DOCK2: variants seen among roughly 807,000 people sequenced by gnomAD.
DOCK2 encodes the protein dedicator of cytokinesis protein 2.
In DOCK2, 87 loss-of-function variants were observed where a neutral mutation model predicts 248.9. That is an observed-to-expected ratio of 0.35 (90% CI 0.29 to 0.42). DOCK2 has a LOEUF of 0.42. Among genes scored for constraint, DOCK2 ranks in the 10% least tolerant of loss-of-function variants. The pLI is 1.00. For synonymous variants in DOCK2, 805 were observed against 821.6 expected, an observed-to-expected ratio of 0.98 and a Z score of 0.35; for missense variants, 1,747 against 2,300.2, an observed-to-expected ratio of 0.76 and a Z score of 4.92.
chr5:169,667,559 G>A (rs1212049244), intron 2 of DOCK2, among the ~76,000 whole-genome samples: 3 of 152,348 alleles, frequency 2.0e-5, no homozygotes, highest in Middle Eastern at 6.8e-3. Flanking sequence ...GTGAAAAGGG[G>A]CAACTAAAGG....
At chr5:170,020,632 C>T (rs1010368049) in intron 33 of DOCK2, among the ~76,000 whole-genome samples, 8 of 152,234 alleles carry the variant, frequency 5.3e-5, no homozygotes, top group Admixed American at 3.3e-4. Context: ...AGAAAGCTGA[C>T]GTCATCTGCT....
At chr5:169,719,599 C>A (rs100214) in intron 22 of DOCK2, among the ~76,000 whole-genome samples, 1 of 151,970 alleles carries the variant, frequency 6.6e-6, no homozygotes, top group Non-Finnish European at 1.5e-5. Flanking sequence ...AGATGCTCAG[C>A]GTTATTGGGA....
intron 1 of DOCK2, among the ~76,000 whole-genome samples, chr5:169,637,779 C>G (rs1331936238): frequency 6.6e-6 from 1 of 152,202 alleles, no homozygotes; most frequent in Non-Finnish European, 1.5e-5. Flanking sequence ...CTTCCACCCC[C>G]TCCAAAGCGA....
At chr5:169,844,530 C>T (rs542392966) in intron 27 of DOCK2, among the ~76,000 whole-genome samples, 1 of 152,338 alleles carries the variant, frequency 6.6e-6, no homozygotes, top group Admixed American at 6.5e-5. Context: ...CCTAAGTAAC[C>T]CGGTGGGTGA....
At position 170,080,121 on chromosome 5, in the gene DOCK2, T is replaced by A. The variant is rs752313003; in HGVS notation, c.5167-42T>A. On this transcript the variant is annotated intron_variant, in intron 49 of 51. Coordinates refer to ENST00000520908, the MANE Select transcript of DOCK2 (RefSeq NM_004946.3). ...CCAGATCTGCCTCATGCTAAGCCTCTGTCTTTGTGTGTGTGTGTGTGTGTC... is the reference window on the plus strand; with the variant it reads ...CCAGATCTGCCTCATGCTAAGCCTCAGTCTTTGTGTGTGTGTGTGTGTGTC... 3.1e-6 allele frequency: 5 copies of A among 1,609,882 alleles called. No individual in the cohort carries two copies. The East Asian group carries it at 1.1e-4, about 36-fold the overall frequency.
intron 27 of DOCK2, among the ~76,000 whole-genome samples, chr5:169,932,282 GA>G (rs535331124): frequency 2.0e-3 from 310 of 152,302 alleles, no homozygotes; most frequent in Admixed American, 3.8e-3. Context: ...GAGTGAGGGG[GA>G]CACTCACTCA....
At chr5:169,691,669 G>A (rs1760310187) in intron 9 of DOCK2, among the ~76,000 whole-genome samples, 1 of 151,996 alleles carries the variant, frequency 6.6e-6, no homozygotes, top group Non-Finnish European at 1.5e-5. Flanking sequence ...GATAAGACTT[G>A]GCAAGCATGT....
intron 26 of DOCK2, among the ~76,000 whole-genome samples, chr5:169,832,533 C>T (rs764863073): frequency 8.5e-5 from 13 of 152,172 alleles, no homozygotes; most frequent in African/African-American, 2.4e-4. Flanking sequence ...GCTTGCTTCA[C>T]GCAATGAGAT....
intron 27 of DOCK2, among the ~76,000 whole-genome samples, chr5:169,976,428 T>C (rs1448089838): frequency 6.6e-6 from 1 of 152,220 alleles, no homozygotes; most frequent in Non-Finnish European, 1.5e-5. Context: ...CAGTAACTGC[T>C]GTGCCTCTGG....
rs56289708 is a variant in DOCK2 at position 169,704,759 on chromosome 5, ATGTGTGTGTGTGTGTGTGTGTGTG to A, written c.1383+2356_1383+2379del. 7.6e-4 allele frequency among the ~76,000 whole-genome samples: 107 copies of A among 140,016 alleles called. 1 individual carries two copies. Among genetic ancestry groups the A allele is most frequent in the East Asian group, 6.3e-4 (3 of 4,784 alleles). 91.9% of individuals were successfully genotyped at this position (140,016 alleles called of 152,430 possible). A position where few individuals can be genotyped will look rare whatever the true frequency, so the allele number is the denominator to read the frequency against. ...AAAACATCTCATTTACTCCATATAT[ATGTGTGTGTGTGTGTGTGTGTGTG>A]TGTGTGTGTGTGTGTGTGTGTGTAT... On this transcript the variant is annotated intron_variant, in intron 14 of 51. Transcript: ENST00000520908.
chr5:169,881,694 G>A (rs1772665818), intron 27 of DOCK2, among the ~76,000 whole-genome samples: 1 of 152,152 alleles, frequency 6.6e-6, no homozygotes, highest in Non-Finnish European at 1.5e-5. Flanking sequence ...GTGAGATGAG[G>A]GATTCTGCAG....
chr5:169,746,995 G>A (rs1056497322), intron 22 of DOCK2, among the ~76,000 whole-genome samples: 1 of 152,222 alleles, frequency 6.6e-6, no homozygotes, highest in African/African-American at 2.4e-5. Context: ...ATGGGTGGCG[G>A]AAATGGCAGT....
At chr5:169,753,480 C>A (rs1424375903) in intron 23 of DOCK2, among the ~76,000 whole-genome samples, 2 of 151,220 alleles carry the variant, frequency 1.3e-5, no homozygotes, top group East Asian at 3.9e-4. Flanking sequence ...TATGCAAAGA[C>A]AAATGGGCTT....
rs77876549 is a variant in DOCK2 at position 169,698,950 on chromosome 5, C to G, written c.1056-432C>G. ...AAGGGAGGTCAATGTCCTCTCCTCT[C>G]CTGTTCCAAAAGGAGTCTTCCAGAA... On this transcript the variant is annotated intron_variant, in intron 11 of 51. Coordinates refer to ENST00000520908, the MANE Select transcript of DOCK2 (RefSeq NM_004946.3). Among the ~76,000 whole-genome samples the G allele has an allele frequency of 3.2e-3, 482 of 152,248 alleles. 22 individuals carry two copies. In the East Asian group the frequency reaches 0.077, roughly 24 times the overall value.
intron 1 of DOCK2, among the ~76,000 whole-genome samples, chr5:169,646,280 G>C (rs1291560679): frequency 6.6e-6 from 1 of 152,118 alleles, no homozygotes; most frequent in Non-Finnish European, 1.5e-5. Context: ...TGAGGTCTCT[G>C]TTCTGTTCCA....
At chr5:169,819,842 G>A (rs191589907) in intron 26 of DOCK2, among the ~76,000 whole-genome samples, 10 of 152,284 alleles carry the variant, frequency 6.6e-5, no homozygotes, top group African/African-American at 9.6e-5. Context: ...TCCAGGAAAC[G>A]CAAGGGGTCA....
At chr5:169,815,854 G>T (rs748459482) in intron 26 of DOCK2, among the ~76,000 whole-genome samples, 1 of 152,068 alleles carries the variant, frequency 6.6e-6, no homozygotes, top group Non-Finnish European at 1.5e-5. Context: ...CGGCTTGGAG[G>T]AATGGAGAAG....
chr5:169,739,775 G>T (rs1188482615), intron 22 of DOCK2, among the ~76,000 whole-genome samples: 1 of 152,138 alleles, frequency 6.6e-6, no homozygotes, highest in African/African-American at 2.4e-5. Context: ...CTTCTTCTTG[G>T]CACCCAGACT....
chr5:169,679,255 C>A lies in DOCK2; in HGVS notation c.471-2489C>A, dbSNP rs577064589. Among the ~76,000 whole-genome samples, 18 of 152,254 alleles carry A rather than the reference C, an allele frequency of 1.2e-4. No individual in the cohort carries two copies. The East Asian group carries it at 1.5e-3, about 13-fold the overall frequency. The stretch of plus-strand genomic sequence containing the variant: ...TTATAAATAAATGCATACAGTGGGG[C>A]CTTTTCCCTCTACCCTCATCTTGGC... On this transcript the variant is annotated intron_variant, in intron 6 of 51. Coordinates refer to ENST00000520908, the MANE Select transcript of DOCK2 (RefSeq NM_004946.3).
Sources: allele counts gnomAD v4.1 joint callset (sites outside exome capture counted in the v4.1 genomes callset), GRCh38; gene constraint gnomAD v4.1.1; transcripts MANE v1.5; gene names NCBI Gene and HGNC (gene_info 2026-07-23, HGNC 2026-07-21).